The following MAD1L1 variants were observed in gnomAD, a reference collection of about 807,000 sequenced individuals.
MAD1L1 encodes mitotic arrest deficient 1 like 1.
A neutral mutation model predicts 96.9 loss-of-function variants in MAD1L1; 95 were observed. The observed-to-expected ratio is 0.98, with a 90% CI of 0.83 to 1.16. The LOEUF is 1.16. MAD1L1 is among the 50% of genes most tolerant of loss of function. The pLI, the probability that MAD1L1 is intolerant of heterozygous loss-of-function variation, is 0.00. For synonymous variants in MAD1L1, 473 were observed against 396.6 expected (o/e 1.19, Z -2.29); for missense variants, 1,007 against 954.4 (o/e 1.06, Z -0.73).
At chr7:2,017,078 C>T (rs1463072063) in intron 12 of MAD1L1, among the ~76,000 whole-genome samples, 2 of 152,228 alleles carry the variant, frequency 1.3e-5, no homozygotes, top group African/African-American at 4.8e-5. Context: ...CTGGCTGGCA[C>T]AGAAGAAAAG....
At position 2,220,847 on chromosome 7, in the gene MAD1L1, T is replaced by C. The variant is rs73291554; in HGVS notation, c.472-1391A>G. On this transcript the variant is annotated intron_variant, in intron 5 of 18. Transcript: ENST00000265854. ...TAAAAACATACTAACAATAAACACA[T>C]CCTCCCAGAGGTCTTCCGAACTCAA... 26,560 of 1,567,852 alleles carry C rather than the reference T, an allele frequency of 0.017. 3,783 individuals carry two copies. The African/African-American group carries it at 0.31, about 19-fold the overall frequency.
chr7:1,981,767 G>A (rs1780918302), intron 14 of MAD1L1, among the ~76,000 whole-genome samples: 1 of 152,182 alleles, frequency 6.6e-6, no homozygotes, highest in African/African-American at 2.4e-5. Context: ...CTGGGCTGGG[G>A]GCCAGCAGGA....
At chr7:1,842,479 C>T (rs2036201174) in intron 18 of MAD1L1, among the ~76,000 whole-genome samples, 1 of 152,272 alleles carries the variant, frequency 6.6e-6, no homozygotes, top group Admixed American at 6.5e-5. Context: ...TCCCAGTCCA[C>T]AGGCCGCCAG....
At chr7:2,087,980 G>A (rs1435128959) in intron 11 of MAD1L1, among the ~76,000 whole-genome samples, 1 of 152,198 alleles carries the variant, frequency 6.6e-6, no homozygotes, top group Non-Finnish European at 1.5e-5. Context: ...ACTCAGCAAA[G>A]CTGCCACTTC....
intron 12 of MAD1L1, among the ~76,000 whole-genome samples, chr7:2,053,240 G>C (rs1207706591): frequency 2.0e-5 from 3 of 152,196 alleles, no homozygotes; most frequent in Non-Finnish European, 4.4e-5. Flanking sequence ...CTGAAAACCG[G>C]TGAGTTTGGG....
At chr7:1,883,516 A>T (rs922752345) in intron 18 of MAD1L1, among the ~76,000 whole-genome samples, 2 of 152,208 alleles carry the variant, frequency 1.3e-5, no homozygotes, top group Admixed American at 6.5e-5. Flanking sequence ...CTGCTGCCTG[A>T]AGGCCAAGCT....
At chr7:1,887,392 T>A in intron 18 of MAD1L1, among the ~76,000 whole-genome samples, 1 of 144,844 alleles carries the variant, frequency 6.9e-6, no homozygotes, top group Non-Finnish European at 1.5e-5. Context: ...TGTACATGCA[T>A]GTATGTGGCT....
At position 1,909,611 on chromosome 7, in the gene MAD1L1, C is replaced by T. The variant is rs187112723; in HGVS notation, c.1808-11221G>A. ...AACCGTACCCCAGCATGCCCCACAG[C>T]GCCCCACCTGGCTCATCCCAGGGGC... On this transcript the variant is annotated intron_variant, in intron 17 of 18. Coordinates refer to ENST00000265854, the MANE Select transcript of MAD1L1 (RefSeq NM_001013836.2). 5.6e-4 allele frequency among the ~76,000 whole-genome samples: 86 copies of T among 152,284 alleles called. 1 individual carries two copies. In the East Asian group the frequency reaches 0.013, roughly 22 times the overall value.
Position 1,859,735 on chromosome 7 carries a change from C to T in MAD1L1, c.1998+38465G>A, listed in dbSNP as rs116519648. 9.5e-3 allele frequency among the ~76,000 whole-genome samples: 1,451 copies of T among 152,224 alleles called. 23 individuals are homozygous for T. Among genetic ancestry groups the T allele is most frequent in the African/African-American group, 0.034 (1,402 of 41,540 alleles). On this transcript the variant is annotated intron_variant, in intron 18 of 18. Transcript: ENST00000265854. ...GGCTCCCTCTGTTCCCTAGACGTGACATCCTGCAGGGCGGCCTCTGTTCCC... is the reference window on the plus strand; with the variant it reads ...GGCTCCCTCTGTTCCCTAGACGTGATATCCTGCAGGGCGGCCTCTGTTCCC...
At chr7:1,889,902 A>G (rs1227416164) in intron 18 of MAD1L1, among the ~76,000 whole-genome samples, 1 of 152,180 alleles carries the variant, frequency 6.6e-6, no homozygotes, top group Non-Finnish European at 1.5e-5. Context: ...GCCTGCTGCC[A>G]CAGCTCGTCA....
intron 2 of MAD1L1, 37 bp from the exon 3 acceptor site, chr7:2,230,180 C>A (rs894520434): frequency 1.8e-5 from 27 of 1,542,362 alleles, no homozygotes; most frequent in Non-Finnish European, 2.2e-5. Context: ...CAGGGGCAGC[C>A]TTTCCACGTG....
intron 18 of MAD1L1, chr7:1,848,017 T>C (rs1156886642): frequency 2.9e-6 from 1 of 339,564 alleles, no homozygotes; most frequent in Non-Finnish European, 5.8e-6. Flanking sequence ...TGGACTCTCA[T>C]GACAGAGAAG....
intron 11 of MAD1L1, among the ~76,000 whole-genome samples, chr7:2,145,858 A>C (rs1000915800): frequency 6.6e-6 from 1 of 152,226 alleles, no homozygotes; most frequent in African/African-American, 2.4e-5. Flanking sequence ...GGAACTCCGC[A>C]GAGGAGCCCG....
intron 13 of MAD1L1, among the ~76,000 whole-genome samples, chr7:2,013,572 G>A (rs1378376155): frequency 6.6e-6 from 1 of 152,268 alleles, no homozygotes; most frequent in East Asian, 1.9e-4. Context: ...GTGACAATGA[G>A]ACTGAGCAGT....
intron 17 of MAD1L1, 44 bp downstream of exon 17, chr7:1,936,643 C>G (rs748162232): frequency 6.6e-7 from 1 of 1,523,198 alleles, no homozygotes; most frequent in Non-Finnish European, 8.8e-7. Context: ...GACCTACCCA[C>G]GGAAGGTCGA....
intron 18 of MAD1L1, among the ~76,000 whole-genome samples, chr7:1,829,214 C>A (rs150133051): frequency 6.6e-6 from 1 of 152,246 alleles, no homozygotes; most frequent in Non-Finnish European, 1.5e-5. Context: ...AGGCACCACC[C>A]GCATCAGCGC....
At chr7:2,032,848 G>T (rs1174851345) in intron 12 of MAD1L1, among the ~76,000 whole-genome samples, 8 of 152,198 alleles carry the variant, frequency 5.3e-5, no homozygotes, top group African/African-American at 1.9e-4. Context: ...AACAGGCGAG[G>T]ACAGGCAGGG....
At chr7:2,211,792 C>A (rs558064446) in intron 10 of MAD1L1, among the ~76,000 whole-genome samples, 2 of 152,306 alleles carry the variant, frequency 1.3e-5, no homozygotes, top group South Asian at 4.1e-4. Flanking sequence ...GCCAGTAATG[C>A]TGATGAGAAG....
At chr7:2,206,791 G>C (rs1202963643) in intron 10 of MAD1L1, among the ~76,000 whole-genome samples, 6 of 151,726 alleles carry the variant, frequency 4.0e-5, no homozygotes, top group Non-Finnish European at 7.4e-5. Context: ...AGAAATTTTA[G>C]AAATTGTCAG....
Sources: allele counts gnomAD v4.1 joint callset (sites outside exome capture counted in the v4.1 genomes callset), GRCh38; gene constraint gnomAD v4.1.1; transcripts MANE v1.5; gene names NCBI Gene and HGNC (gene_info 2026-07-23, HGNC 2026-07-21).